Variants in PPFIA3 observed in about 807,000 individuals in gnomAD.
PPFIA3 encodes the protein PPFI scaffold protein A3, also known as liprin-alpha-3.
Under a neutral mutation model 145.8 loss-of-function variants are expected in PPFIA3, and 26 were observed. The observed-to-expected ratio is 0.18, with a 90% CI of 0.13 to 0.25. The LOEUF (loss-of-function observed/expected upper bound fraction) is 0.25, where lower values mean the gene tolerates loss of function less well. PPFIA3 is among the 10% of genes least tolerant of loss of function. The pLI is 1.00. For synonymous variants in PPFIA3, 645 were observed against 661.4 expected (o/e 0.98, Z 0.38); for missense variants, 1,008 against 1,587.8 (o/e 0.63, Z 6.21).
At position 49,149,884 on chromosome 19, in the gene PPFIA3, C is replaced by A; in HGVS notation, c.3526+166C>A. 9.0e-7 allele frequency: 1 copy of A among 1,114,578 alleles called. No homozygotes were observed. The highest frequency in any genetic ancestry group is 1.3e-6 in the Non-Finnish European group (1 of 795,308). 69.0% of individuals were successfully genotyped at this position (1,114,578 alleles called of 1,614,324 possible). On this transcript the variant is annotated intron_variant, in intron 28 of 29. Transcript: ENST00000334186. This position sits in a 1 kb window ranked among gnomAD's most constrained non-coding sequence, Gnocchi z 5.7. ...CCCCGTCAGGATGAAATGGATAAATCCCACTCCCCCTTCCCAGGGCGGGAG... is the reference window on the plus strand; with the variant it reads ...CCCCGTCAGGATGAAATGGATAAATACCACTCCCCCTTCCCAGGGCGGGAG...
rs1259929128 is a variant in PPFIA3, at chr19:49,141,583, CGTGT to C, written c.2462+71_2462+74del. 131 of 1,219,114 alleles carry C rather than the reference CGTGT, an allele frequency of 1.1e-4. No individual in the cohort carries two copies. In the African/African-American group the frequency reaches 1.8e-3, roughly 17 times the overall value. The allele number at this position is 1,219,114 out of a possible 1,614,324, so 75.5% of individuals were successfully genotyped here. A position where few individuals can be genotyped will look rare whatever the true frequency, so the allele number is the denominator to read the frequency against. ...GAGAGTGTGTGAGGGTGTGTGTGTGCGTGTATGTGTGTGTATGAGTGTGTGTGTG... is the reference window on the plus strand; with the variant it reads ...GAGAGTGTGTGAGGGTGTGTGTGTGCATGTGTGTGTATGAGTGTGTGTGTG... On this transcript the variant is annotated intron_variant, in intron 19 of 29. Transcript: ENST00000334186.
intron 24 of PPFIA3, 42 bp from the exon 25 acceptor site, chr19:49,148,624 A>G: frequency 2.7e-6 from 4 of 1,479,666 alleles, no homozygotes; most frequent in Non-Finnish European, 1.9e-6. Flanking sequence ...AGTCTAGGGG[A>G]CTGGAAAGCT....
intron 11 of PPFIA3, 129 bp downstream of exon 11, chr19:49,134,294 G>A: frequency 7.7e-7 from 1 of 1,298,590 alleles, no homozygotes; most frequent in Non-Finnish European, 1.0e-6. Context: ...TCCTGAGTTG[G>A]GCAGCCTTCT....
In PPFIA3 at chr19:49,133,252, C is replaced by G; in HGVS notation, c.1042C>G (p.Arg348Gly). 6.2e-7 allele frequency: 1 copy of G among 1,607,728 alleles called. No homozygotes were observed. Among genetic ancestry groups the G allele is most frequent in the Non-Finnish European group, 8.5e-7 (1 of 1,177,172 alleles). ...SLYRQSEEKSRQLAEWLDDAK... is the reference protein window; with the variant it reads ...SLYRQSEEKSGQLAEWLDDAK... ...CCTCCCCCAGAGTGAAGAGAAGAGCCGTCAGCTGGCCGAGTGGTTGGACGA... is the reference window on the plus strand; with the variant it reads ...CCTCCCCCAGAGTGAAGAGAAGAGCGGTCAGCTGGCCGAGTGGTTGGACGA... Residue 348 changes from arginine (R) to glycine (G), a missense_variant, in exon 9 of 30, where the codon CGT (arginine) becomes GGT (glycine). Arg to Gly is a moderately radical substitution (Grantham distance 125). Around this residue, in one of 11 missense-constraint regions of PPFIA3, gnomAD observed 109 missense variants for 198.1 expected, o/e 0.55. Transcript: ENST00000334186. The surrounding 1 kb of genome is among the most constrained non-coding windows in gnomAD (Gnocchi z 7.2).
chr19:49,149,409 T>G lies in PPFIA3; in HGVS notation c.3354+84T>G, dbSNP rs2122664264. 2.5e-6 allele frequency: 4 copies of G among 1,588,110 alleles called. No individual in the cohort carries two copies. The East Asian group carries it at 6.7e-5, about 27-fold the overall frequency. On this transcript the variant is annotated intron_variant, in intron 27 of 29. Coordinates refer to ENST00000334186, the MANE Select transcript of PPFIA3 (RefSeq NM_003660.4). The surrounding 1 kb of genome is among the most constrained non-coding windows in gnomAD (Gnocchi z 5.7). The stretch of plus-strand genomic sequence containing the variant: ...TGAGGGGGCGGGGCCTGACTATTAA[T>G]GGTCACGGTTGGAGGCGGGGCCAGG...
intron 1 of PPFIA3, among the ~76,000 whole-genome samples, chr19:49,126,189 C>T (rs1280421838): frequency 6.6e-6 from 1 of 151,944 alleles, no homozygotes; most frequent in Non-Finnish European, 1.5e-5. Flanking sequence ...ACCTCGTGAT[C>T]CAACAGCCTC....
At chr19:49,141,583 CGTGTATGT>C (rs2041223183) in intron 19 of PPFIA3, 70 bp downstream of exon 19, 2 of 1,218,882 alleles carry the variant, frequency 1.6e-6, no homozygotes, top group East Asian at 2.4e-5. Flanking sequence ...TGTGTGTGTG[CGTGTATGT>C]GTGTGTATGA....
Position 49,132,990 on chromosome 19 carries a change from T to A in PPFIA3, c.880-11T>A. On this transcript the variant is annotated splice_polypyrimidine_tract_variant and intron_variant, in intron 7 of 29. Transcript: ENST00000334186. ...GCTCGCAGTCCACGGGGCCCTTTGCTACCTCCGCAGGCGCTGGCGCAGCGG... is the reference window on the plus strand; with the variant it reads ...GCTCGCAGTCCACGGGGCCCTTTGCAACCTCCGCAGGCGCTGGCGCAGCGG... 1 of 1,609,040 alleles carries A rather than the reference T, an allele frequency of 6.2e-7. No homozygotes were observed.
chr19:49,141,621 GGT>G, intron 19 of PPFIA3, 108 bp downstream of exon 19: 4 of 741,376 alleles, frequency 5.4e-6, no homozygotes, highest in East Asian at 3.1e-5. Flanking sequence ...TGTGTGAGAG[GGT>G]GTGTGAGTGT....
chr19:49,120,232 C>T lies in PPFIA3; in HGVS notation c.-16+510C>T, dbSNP rs1008161777. On this transcript the variant is annotated intron_variant, in intron 1 of 29. Transcript: ENST00000334186. This position sits in a 1 kb window ranked among gnomAD's most constrained non-coding sequence, Gnocchi z 4.6. ...CGCGCTCGGCAGCCTCGCCTCCCCCCACCTCCTGCCGCCGCCACCAGGGAG... is the reference window on the plus strand; with the variant it reads ...CGCGCTCGGCAGCCTCGCCTCCCCCTACCTCCTGCCGCCGCCACCAGGGAG... 1.3e-5 allele frequency among the ~76,000 whole-genome samples: 2 copies of T among 152,080 alleles called. No individual in the cohort carries two copies. Among genetic ancestry groups the T allele is most frequent in the South Asian group, 4.1e-4 (2 of 4,824 alleles).
In PPFIA3 at chr19:49,134,716, G is replaced by C; in HGVS notation, c.1440+15G>C. 1 of 1,613,520 alleles carries C rather than the reference G, an allele frequency of 6.2e-7. No individual in the cohort carries two copies. The highest frequency in any genetic ancestry group is 8.5e-7 in the Non-Finnish European group (1 of 1,179,494). ...TGCTAAACAAGGTAGGGGGCCCTGA[G>C]GGGACAGGAGGAGGATGTTGGGGCA... On this transcript the variant is annotated intron_variant, in intron 12 of 29. Transcript: ENST00000334186.
At chr19:49,137,627 T>TAAA (rs2041154442) in intron 15 of PPFIA3, among the ~76,000 whole-genome samples, 1 of 14,868 alleles carries the variant, frequency 6.7e-5, no homozygotes, top group Non-Finnish European at 1.2e-4. Flanking sequence ...AGACTCCGTG[T>TAAA]CAAAAAAAAA....
chr19:49,134,797 A>G lies in PPFIA3; in HGVS notation c.1441-39A>G, dbSNP rs938322847. Reference sequence around the variant, plus strand: ...GGCAGGGGCTGTTCCTCCTGGGCGGAGCAGATTCTAACCCGACACCTCCAA... The same window carrying G: ...GGCAGGGGCTGTTCCTCCTGGGCGGGGCAGATTCTAACCCGACACCTCCAA... On this transcript the variant is annotated intron_variant, in intron 12 of 29. Coordinates refer to ENST00000334186, the MANE Select transcript of PPFIA3 (RefSeq NM_003660.4). 7.5e-6 allele frequency: 12 copies of G among 1,607,424 alleles called. No homozygotes were observed. The East Asian group carries it at 2.7e-4, about 36-fold the overall frequency.
At chr19:49,145,696 AG>A in intron 21 of PPFIA3, 1 of 542,516 alleles carries the variant, frequency 1.8e-6, no homozygotes, top group East Asian at 3.2e-5. Flanking sequence ...TCATTTGCAC[AG>A]GGCCACACAG....
In PPFIA3 at chr19:49,138,188, C is replaced by T. The variant is rs1442298054; in HGVS notation, c.1854-17C>T. 3 of 1,557,656 alleles carry T rather than the reference C, an allele frequency of 1.9e-6. No individual in the cohort carries two copies. Among genetic ancestry groups the T allele is most frequent in the Non-Finnish European group, 2.6e-6 (3 of 1,142,362 alleles). On this transcript the variant is annotated splice_polypyrimidine_tract_variant and intron_variant, in intron 15 of 29. Transcript: ENST00000334186. ...TGCTGCGGCCCCTCACCCAGTTTCC[C>T]CTATTTCCCTCCTCAGGCTGATCCA... is the stretch of plus-strand genomic sequence containing the variant.
At chr19:49,124,932 C>T (rs2040979067) in intron 1 of PPFIA3, among the ~76,000 whole-genome samples, 1 of 151,962 alleles carries the variant, frequency 6.6e-6, no homozygotes, top group South Asian at 2.1e-4. Flanking sequence ...CCGGGCGTGG[C>T]GGCACGAGCC....
At chr19:49,146,535 C>T (rs576049983) in intron 23 of PPFIA3, 13 of 376,260 alleles carry the variant, frequency 3.5e-5, no homozygotes, top group Admixed American at 8.6e-5. Context: ...CAGTGGACTG[C>T]TCAGTGTACC....
chr19:49,134,394 T>A (rs1426517556), intron 11 of PPFIA3, among the ~76,000 whole-genome samples: 1 of 152,172 alleles, frequency 6.6e-6, no homozygotes, highest in African/African-American at 2.4e-5. Context: ...CCTTGACTTT[T>A]CCCAAAGCCT....
intron 23 of PPFIA3, among the ~76,000 whole-genome samples, chr19:49,147,660 T>C (rs144098639): frequency 9.1e-4 from 136 of 149,632 alleles, no homozygotes; most frequent in East Asian, 8.4e-3. Flanking sequence ...CGCTCCAGCC[T>C]GGGTGACATA....
Sources: allele counts gnomAD v4.1 joint callset (sites outside exome capture counted in the v4.1 genomes callset), GRCh38; gene constraint gnomAD v4.1.1; regional missense constraint gnomAD v4.1.1; non-coding constraint Gnocchi (gnomAD v3.1); transcripts MANE v1.5; gene names NCBI Gene and HGNC (gene_info 2026-07-23, HGNC 2026-07-21).